Variants in MAST4 observed in about 807,000 individuals in gnomAD.
The protein encoded by MAST4 is microtubule-associated serine/threonine-protein kinase 4.
In MAST4, 89 loss-of-function variants were observed where a neutral mutation model predicts 162.7. That is an observed-to-expected ratio of 0.55 (90% CI 0.46 to 0.65). The LOEUF (loss-of-function observed/expected upper bound fraction) is 0.65, where lower values mean the gene tolerates loss of function less well. Ranked by LOEUF, MAST4 falls within the 30% of genes least tolerant of loss-of-function variation. The pLI, the probability that MAST4 is intolerant of heterozygous loss-of-function variation, is 0.00. For synonymous variants in MAST4, 1,479 were observed against 1,361.1 expected (o/e 1.09, Z -1.91); for missense variants, 3,153 against 3,374.0 (o/e 0.93, Z 1.62).
chr5:67,101,931 C>G (rs1390506958), intron 8 of MAST4, among the ~76,000 whole-genome samples: 1 of 151,354 alleles, frequency 6.6e-6, no homozygotes, highest in African/African-American at 2.4e-5. Context: ...GATAAACCTA[C>G]TATTGAAAGA....
intron 14 of MAST4, among the ~76,000 whole-genome samples, chr5:67,129,188 C>A (rs1472272877): frequency 1.3e-5 from 2 of 152,164 alleles, no homozygotes; most frequent in African/African-American, 4.8e-5. Flanking sequence ...ATCGTTGGCC[C>A]GCTCTTATGC....
At chr5:66,902,360 A>G (rs983934156) in intron 4 of MAST4, among the ~76,000 whole-genome samples, 6 of 152,198 alleles carry the variant, frequency 3.9e-5, no homozygotes, top group Non-Finnish European at 7.4e-5. Flanking sequence ...CATTTTCAGC[A>G]TTCTGAAACT....
chr5:66,933,151 C>G (rs184476260), intron 4 of MAST4, among the ~76,000 whole-genome samples: 2 of 152,270 alleles, frequency 1.3e-5, no homozygotes, highest in Non-Finnish European at 2.9e-5. Context: ...GTTCATATCT[C>G]TTTAACTAAA....
At chr5:66,651,720 G>A (rs1746232588) in intron 1 of MAST4, among the ~76,000 whole-genome samples, 1 of 152,180 alleles carries the variant, frequency 6.6e-6, no homozygotes, top group African/African-American at 2.4e-5. Context: ...CTCTTTCACA[G>A]CACTACACTC....
chr5:66,923,430 A>G (rs1028220237), intron 4 of MAST4, among the ~76,000 whole-genome samples: 2 of 152,234 alleles, frequency 1.3e-5, no homozygotes, highest in Admixed American at 6.5e-5. Flanking sequence ...GGAGCCTTCA[A>G]CATGAAGGCT....
intron 1 of MAST4, among the ~76,000 whole-genome samples, chr5:66,704,696 T>G (rs1382368763): frequency 6.6e-6 from 1 of 151,918 alleles, no homozygotes; most frequent in African/African-American, 2.4e-5. Flanking sequence ...GAGACAGGGT[T>G]TCACCGTGTT....
chr5:66,683,669 A>G (rs1418326627), intron 1 of MAST4, among the ~76,000 whole-genome samples: 2 of 152,166 alleles, frequency 1.3e-5, no homozygotes, highest in Non-Finnish European at 2.9e-5. Flanking sequence ...ATACATACAG[A>G]TGACCTGCCT....
intron 3 of MAST4, among the ~76,000 whole-genome samples, chr5:66,858,885 G>A (rs896888533): frequency 6.6e-6 from 1 of 151,980 alleles, no homozygotes; most frequent in African/African-American, 2.4e-5. Context: ...TTTGATAGAT[G>A]TATCTCTAGA....
At chr5:66,994,424 A>G (rs1416143385) in intron 4 of MAST4, among the ~76,000 whole-genome samples, 1 of 152,080 alleles carries the variant, frequency 6.6e-6, no homozygotes, top group Non-Finnish European at 1.5e-5. Context: ...ATAATTCTGT[A>G]CGTACTTCAT....
chr5:66,854,316 C>A (rs1348393213), intron 3 of MAST4, among the ~76,000 whole-genome samples: 1 of 152,186 alleles, frequency 6.6e-6, no homozygotes, highest in Non-Finnish European at 1.5e-5. Flanking sequence ...AGTGTGTATA[C>A]TGGTTATCTA....
chr5:67,020,062 C>T (rs1753785804), intron 4 of MAST4, among the ~76,000 whole-genome samples: 1 of 152,144 alleles, frequency 6.6e-6, no homozygotes, highest in Non-Finnish European at 1.5e-5. Flanking sequence ...GAAGTATGCT[C>T]TTATTTATGC....
chr5:66,821,861 G>T (rs1757011853), intron 3 of MAST4, among the ~76,000 whole-genome samples: 1 of 152,132 alleles, frequency 6.6e-6, no homozygotes. Context: ...TGAAGCAGAT[G>T]CTTGGTGAGA....
intron 4 of MAST4, among the ~76,000 whole-genome samples, chr5:67,037,208 A>G (rs1756131456): frequency 1.3e-5 from 2 of 152,256 alleles, no homozygotes; most frequent in Admixed American, 6.5e-5. Flanking sequence ...CATCCAGGCA[A>G]CATAGCAAGA....
At chr5:67,081,552 A>C (rs1458579369) in intron 5 of MAST4, among the ~76,000 whole-genome samples, 7 of 152,140 alleles carry the variant, frequency 4.6e-5, no homozygotes, top group Non-Finnish European at 8.8e-5. Context: ...GGAAGCTTAG[A>C]ACATGATTTA....
At chr5:67,151,564 G>A (rs1315646731) in intron 24 of MAST4, among the ~76,000 whole-genome samples, 1 of 152,098 alleles carries the variant, frequency 6.6e-6, no homozygotes. Flanking sequence ...CAGTAGATTT[G>A]GTGTTTTGGA....
In MAST4 at chr5:66,922,236, G is replaced by A. The variant is rs188766622; in HGVS notation, c.674+22254G>A. On this transcript the variant is annotated intron_variant, in intron 4 of 28. Transcript: ENST00000403625. ...TGCTGTAATTGTTACCTGAGTGCTC[G>A]TCTTCCCTGCTATCATGTCTTCTTC... Among the ~76,000 whole-genome samples, 6 of 152,304 alleles carry A rather than the reference G, an allele frequency of 3.9e-5. No individual in the cohort carries two copies. The East Asian group carries it at 5.8e-4, about 15-fold the overall frequency.
intron 3 of MAST4, among the ~76,000 whole-genome samples, chr5:66,860,973 G>A (rs990400091): frequency 4.6e-5 from 7 of 152,130 alleles, no homozygotes; most frequent in Admixed American, 3.9e-4. Context: ...CAGCACCTGA[G>A]TCTGGTGCTC....
intron 1 of MAST4, among the ~76,000 whole-genome samples, chr5:66,691,510 CAG>C (rs1749037569): frequency 6.6e-6 from 1 of 152,122 alleles, no homozygotes. Context: ...GTTCCTATAA[CAG>C]AATACTATAG....
chr5:66,620,657 T>C (rs1231707332), intron 1 of MAST4, among the ~76,000 whole-genome samples: 1 of 152,222 alleles, frequency 6.6e-6, no homozygotes, highest in Non-Finnish European at 1.5e-5. Context: ...CTTAACATTT[T>C]TGTAGATTTT....
Sources: gnomAD v4.1 joint callset for allele counts (sites outside exome capture counted in the v4.1 genomes callset) on GRCh38, gnomAD v4.1.1 for gene constraint, MANE v1.5 for transcripts, NCBI Gene and HGNC (gene_info 2026-07-23, HGNC 2026-07-21) for gene names.